The following CCDC186 variants were observed in gnomAD, a reference collection of about 807,000 sequenced individuals.
CCDC186 encodes coiled-coil domain containing 186.
A neutral mutation model predicts 113.7 loss-of-function variants in CCDC186; 49 were observed. The ratio of observed to expected loss-of-function variants is 0.43; its 90% CI spans 0.34 to 0.55. The LOEUF is 0.55. Ranked by LOEUF, CCDC186 falls within the 20% of genes least tolerant of loss-of-function variation. The pLI is 0.02. For missense variants in CCDC186, 890 were observed against 1,011.1 expected (o/e 0.88, Z 1.62); for synonymous variants, 355 against 345.8 (o/e 1.03, Z -0.30).
At chr10:114,141,259 T>C (rs1372713355) in intron 6 of CCDC186, among the ~76,000 whole-genome samples, 1 of 152,210 alleles carries the variant, frequency 6.6e-6, no homozygotes, top group Non-Finnish European at 1.5e-5. Flanking sequence ...CCTCTTTGCA[T>C]GCCTGGTAAT....
intron 5 of CCDC186, 131 bp from the exon 6 acceptor site, chr10:114,144,747 T>C: frequency 1.4e-6 from 1 of 704,794 alleles, no homozygotes; most frequent in East Asian, 2.9e-5. Context: ...CCACAGACTA[T>C]AAAACTTATT....
intron 10 of CCDC186, among the ~76,000 whole-genome samples, chr10:114,132,422 A>C (rs867309409): frequency 6.6e-6 from 1 of 152,224 alleles, no homozygotes; most frequent in Non-Finnish European, 1.5e-5. Flanking sequence ...TATGTGTAAA[A>C]AAACATTTTT....
chr10:114,160,996 T>C (rs2032154158), intron 2 of CCDC186, among the ~76,000 whole-genome samples: 1 of 152,222 alleles, frequency 6.6e-6, no homozygotes, highest in Admixed American at 6.5e-5. Context: ...GAGGTTGACT[T>C]GGCCAAGACA....
In CCDC186 at chr10:114,145,564, C is replaced by G. The variant is rs2031609462; in HGVS notation, c.1086G>C (p.Gln362His). Residue 362 changes from glutamine to histidine, a missense_variant, in exon 5 of 16, where the codon CAG (glutamine) becomes CAC (histidine). Coordinates refer to ENST00000369287, the MANE Select transcript of CCDC186 (RefSeq NM_018017.4). ...QLSQEKGRLH[Q>H]LYETKEGETT... ...CAAGTTATACCTTAGTTTCATACAG[C>G]TGGTGCAACCGTCCTTTCTCCTGAG... is the stretch of plus-strand genomic sequence containing the variant. 1 of 1,607,828 alleles carries G rather than the reference C, an allele frequency of 6.2e-7. No homozygotes were observed. The highest frequency in any genetic ancestry group is 8.5e-7 in the Non-Finnish European group (1 of 1,178,902).
chr10:114,145,859 T>C (rs1483497401), intron 4 of CCDC186, 98 bp from the exon 5 acceptor site: 19 of 1,155,450 alleles, frequency 1.6e-5, no homozygotes, highest in Non-Finnish European at 2.3e-5. Flanking sequence ...ACCAATGCAT[T>C]GTTTGGTTTT....
chr10:114,129,212 G>A (rs7075032), intron 13 of CCDC186, among the ~76,000 whole-genome samples: 37,538 of 151,806 alleles, frequency 0.25, 4,980 homozygotes, highest in African/African-American at 0.33. Context: ...CTATAGTTCC[G>A]GTTACTTGAG....
chr10:114,166,863 A>G (rs1399733557), intron 1 of CCDC186, among the ~76,000 whole-genome samples: 1 of 152,172 alleles, frequency 6.6e-6, no homozygotes, highest in Non-Finnish European at 1.5e-5. Context: ...CTAAGCTTAG[A>G]ATGTTTTACA....
intron 1 of CCDC186, among the ~76,000 whole-genome samples, chr10:114,172,067 T>A (rs1437701677): frequency 1.3e-5 from 2 of 152,166 alleles, no homozygotes; most frequent in Non-Finnish European, 2.9e-5. Flanking sequence ...GATATGTTTA[T>A]GAGAAATTGA....
At chr10:114,149,471 G>A (rs935447951) in intron 4 of CCDC186, among the ~76,000 whole-genome samples, 2 of 150,692 alleles carry the variant, frequency 1.3e-5, no homozygotes, top group East Asian at 3.9e-4. Flanking sequence ...CTGCTACCAT[G>A]TACACCAACT....
chr10:114,157,482 A>G, intron 3 of CCDC186, 72 bp downstream of exon 3: 1 of 1,410,108 alleles, frequency 7.1e-7, no homozygotes, highest in Non-Finnish European at 9.5e-7. Context: ...ATGAGCTGCC[A>G]CAATCGGCTG....
At chr10:114,127,804 A>G (rs2030955579) in intron 13 of CCDC186, 133 bp from the exon 14 acceptor site, 5 of 813,988 alleles carry the variant, frequency 6.1e-6, no homozygotes, top group South Asian at 3.7e-5. Context: ...ACACAGGTCA[A>G]CGTGGCTGAG....
intron 1 of CCDC186, among the ~76,000 whole-genome samples, chr10:114,167,523 C>T (rs551261838): frequency 6.6e-6 from 1 of 151,998 alleles, no homozygotes; most frequent in South Asian, 2.1e-4. Context: ...TGATACAAGC[C>T]AATTTGGTTG....
intron 1 of CCDC186, among the ~76,000 whole-genome samples, chr10:114,167,886 TG>T (rs1210707805): frequency 6.7e-6 from 1 of 149,968 alleles, no homozygotes; most frequent in Non-Finnish European, 1.5e-5. Flanking sequence ...CTCAGAAAGC[TG>T]AGATGGGAGG....
intron 4 of CCDC186, among the ~76,000 whole-genome samples, chr10:114,147,524 A>C (rs540249059): frequency 1.5e-3 from 236 of 152,336 alleles, no homozygotes; most frequent in Admixed American, 3.0e-3. Context: ...TGACACATTT[A>C]GGAGATATCA....
chr10:114,174,207 G>A (rs967831447), upstream of CCDC186: 20 of 429,540 alleles, frequency 4.7e-5, no homozygotes, highest in East Asian at 1.4e-3. Context: ...CAAAGATGGC[G>A]GCGACACTGA....
intron 3 of CCDC186, among the ~76,000 whole-genome samples, chr10:114,155,636 T>C (rs1027531118): frequency 1.3e-5 from 2 of 151,696 alleles, no homozygotes; most frequent in Non-Finnish European, 2.9e-5. Context: ...GATCGCGCCA[T>C]TGCACCCCAG....
chr10:114,159,186 T>G (rs1431982111), intron 2 of CCDC186, among the ~76,000 whole-genome samples: 6 of 152,196 alleles, frequency 3.9e-5, no homozygotes, highest in Non-Finnish European at 8.8e-5. Flanking sequence ...AAGCCTTTTA[T>G]GACACAGTGG....
chr10:114,153,512 G>A (rs1423298095), intron 3 of CCDC186, among the ~76,000 whole-genome samples: 11 of 152,096 alleles, frequency 7.2e-5, no homozygotes, highest in East Asian at 1.9e-4. Flanking sequence ...GGGGCCAGGC[G>A]GGGTGGCTCA....
intron 4 of CCDC186, among the ~76,000 whole-genome samples, chr10:114,150,476 T>C (rs2031819027): frequency 6.6e-6 from 1 of 152,132 alleles, no homozygotes; most frequent in Non-Finnish European, 1.5e-5. Flanking sequence ...CTTGTACATG[T>C]ATATGTAGTA....
Sources: allele counts gnomAD v4.1 joint callset (sites outside exome capture counted in the v4.1 genomes callset), GRCh38; gene constraint gnomAD v4.1.1; transcripts MANE v1.5; gene names NCBI Gene and HGNC (gene_info 2026-07-23, HGNC 2026-07-21).